The following TMPRSS15 variants were observed in gnomAD, a reference collection of about 807,000 sequenced individuals.
TMPRSS15 encodes the protein enteropeptidase.
A neutral mutation model predicts 125.3 loss-of-function variants in TMPRSS15; 128 were observed. That is an observed-to-expected ratio of 1.02 (90% CI 0.89 to 1.18). The LOEUF is 1.18. Ranked by LOEUF, TMPRSS15 falls within the 50% of genes most tolerant of loss-of-function variation. TMPRSS15 has a pLI of 0.00. For synonymous variants in TMPRSS15, 446 were observed against 423.2 expected, an observed-to-expected ratio of 1.05 and a Z score of -0.66; for missense variants, 1,283 against 1,212.7, an observed-to-expected ratio of 1.06 and a Z score of -0.86.
intron 18 of TMPRSS15, 65 bp downstream of exon 18, chr21:18,312,880 C>G: frequency 6.3e-7 from 1 of 1,592,180 alleles, no homozygotes; most frequent in Non-Finnish European, 8.6e-7. Context: ...TCTTATTAAA[C>G]CTAATTTGAT....
At chr21:18,398,090 C>T in intron 2 of TMPRSS15, 109 bp downstream of exon 2, 2 of 1,380,760 alleles carry the variant, frequency 1.4e-6, no homozygotes, top group Non-Finnish European at 2.1e-6. Context: ...ATTTGAGTAT[C>T]TTGGGCATAT....
chr21:18,378,110 T>C (rs2824785), intron 5 of TMPRSS15, among the ~76,000 whole-genome samples: 58,818 of 151,976 alleles, frequency 0.39, 11,561 homozygotes, highest in Non-Finnish European at 0.41. Flanking sequence ...TGGCATTAAT[T>C]TGGATACTTG....
chr21:18,469,017 T>C lies in TMPRSS15; in HGVS notation c.10+16782A>G, dbSNP rs114864371. Among the ~76,000 whole-genome samples the C allele has an allele frequency of 5.2e-3, 792 of 152,160 alleles. 9 individuals are homozygous for C. The highest frequency in any genetic ancestry group is 0.018 in the African/African-American group (735 of 41,506). ...ATTTGCATGTATATAAAGTAGAAAA[T>C]CACATGCTTTAACATAAATACCGGA... On this transcript the variant is annotated intron_variant, in intron 1 of 7. Transcript: ENST00000422787.
chr21:18,354,158 T>G (rs2075601547), intron 8 of TMPRSS15, among the ~76,000 whole-genome samples: 1 of 151,846 alleles, frequency 6.6e-6, no homozygotes, highest in Non-Finnish European at 1.5e-5. Context: ...AAAGATGCAT[T>G]CATTTACTGG....
At chr21:18,387,676 G>T (rs948517184) in intron 3 of TMPRSS15, among the ~76,000 whole-genome samples, 1 of 150,832 alleles carries the variant, frequency 6.6e-6, no homozygotes, top group African/African-American at 2.4e-5. Context: ...AATCATACAA[G>T]TTAGTAAGTG....
intron 1 of TMPRSS15, among the ~76,000 whole-genome samples, chr21:18,409,604 A>G (rs1229425278): frequency 6.6e-6 from 1 of 151,964 alleles, no homozygotes; most frequent in Non-Finnish European, 1.5e-5. Flanking sequence ...CTAATTTACA[A>G]ATTTGTGTAA....
At chr21:18,435,311 A>G (rs2076225415) in intron 1 of TMPRSS15, among the ~76,000 whole-genome samples, 1 of 152,124 alleles carries the variant, frequency 6.6e-6, no homozygotes, top group East Asian at 1.9e-4. Flanking sequence ...TCCCATCAAT[A>G]CCTAATTCAT....
At chr21:18,336,195 T>C (rs968713889) in intron 13 of TMPRSS15, among the ~76,000 whole-genome samples, 7 of 152,138 alleles carry the variant, frequency 4.6e-5, no homozygotes, top group Non-Finnish European at 8.8e-5. Flanking sequence ...CTAGCTTTCA[T>C]CTACAATAAG....
chr21:18,315,177 G>C lies in TMPRSS15; in HGVS notation c.2001C>G (p.His667Gln), dbSNP rs747558341. The C allele has an allele frequency of 6.8e-6, 11 of 1,613,626 alleles. No individual in the cohort carries two copies. The highest frequency in any genetic ancestry group is 9.3e-6 in the Non-Finnish European group (11 of 1,179,962). ...PLVNLCDGHL[H>Q]CEDGSDEADC... ...CTGCTTCATCTGAGCCATCCTCACA[G>C]TGCAGATGACCGTCACAGAGATTCA... Residue 667 changes from histidine to glutamine, a missense_variant, in exon 17 of 25, where the codon CAC (histidine) becomes CAG (glutamine). Transcript: ENST00000284885.
chr21:18,379,635 C>T (rs1036173716), intron 4 of TMPRSS15, among the ~76,000 whole-genome samples: 8 of 152,048 alleles, frequency 5.3e-5, no homozygotes, highest in Admixed American at 2.6e-4. Context: ...TGACCATAGA[C>T]GTAAATGTTC....
intron 1 of TMPRSS15, among the ~76,000 whole-genome samples, chr21:18,465,407 C>A (rs2122955460): frequency 7.2e-5 from 11 of 152,058 alleles, no homozygotes; most frequent in Admixed American, 5.9e-4. Flanking sequence ...GAAGTTCTTG[C>A]CAGGGAAATC....
In TMPRSS15 at chr21:18,412,468, C is replaced by T. The variant is rs549204453; in HGVS notation, c.11-14139G>A. On this transcript the variant is annotated intron_variant, in intron 1 of 7. Coordinates refer to the TMPRSS15 transcript ENST00000422787. The stretch of plus-strand genomic sequence containing the variant: ...TCACCGAATTAAAGAACTAAAAGTT[C>T]CTGACATGGTTTGGACCTCTAAATT... 2.8e-3 allele frequency among the ~76,000 whole-genome samples: 428 copies of T among 152,224 alleles called. 1 individual carries two copies. Among genetic ancestry groups the T allele is most frequent in the African/African-American group, 9.9e-3 (410 of 41,526 alleles).
Position 18,279,047 on chromosome 21 carries a change from G to T in TMPRSS15, c.2681C>A (p.Pro894His). The T allele has an allele frequency of 6.4e-7, 1 of 1,571,056 alleles. No homozygotes were observed. The highest frequency in any genetic ancestry group is 8.7e-7 in the Non-Finnish European group (1 of 1,146,734). Residue 894 changes from proline to histidine, a missense_variant, in exon 23 of 25, where the codon CCT (proline) becomes CAT (histidine). Coordinates refer to ENST00000284885, the MANE Select transcript of TMPRSS15 (RefSeq NM_002772.3). Reference sequence around the variant, plus strand: ...TTGATTTTCTTCCGGTAAACAAATAGGTTGTATGTAATCTGGAAAAACAAG... The same window carrying T: ...TTGATTTTCTTCCGGTAAACAAATATGTTGTATGTAATCTGGAAAAACAAG... ...FKVNYTDYIQPICLPEENQVF... is the reference protein window; with the variant it reads ...FKVNYTDYIQHICLPEENQVF...
chr21:18,278,593 C>T (rs111769042), intron 23 of TMPRSS15, among the ~76,000 whole-genome samples: 1 of 46,284 alleles, frequency 2.2e-5, no homozygotes, highest in Admixed American at 2.5e-4. Flanking sequence ...TGGTGGCAGG[C>T]GCCTGTGGTC....
At chr21:18,395,270 C>T (rs1178024814) in intron 3 of TMPRSS15, among the ~76,000 whole-genome samples, 1 of 152,146 alleles carries the variant, frequency 6.6e-6, no homozygotes, top group African/African-American at 2.4e-5. Context: ...TTCACTCTGT[C>T]TTGAGTACTT....
intron 1 of TMPRSS15, among the ~76,000 whole-genome samples, chr21:18,456,816 A>C (rs1310006561): frequency 6.6e-6 from 1 of 152,116 alleles, no homozygotes. Context: ...ATTTTCAGAA[A>C]TTTATATCTT....
At chr21:18,325,606 C>T (rs2075280440) in intron 16 of TMPRSS15, among the ~76,000 whole-genome samples, 1 of 151,886 alleles carries the variant, frequency 6.6e-6, no homozygotes, top group Non-Finnish European at 1.5e-5. Flanking sequence ...ATAAATATTT[C>T]TCTTCCTATG....
chr21:18,317,410 AT>A (rs2075178410), intron 16 of TMPRSS15, among the ~76,000 whole-genome samples: 2 of 142,008 alleles, frequency 1.4e-5, no homozygotes, highest in South Asian at 4.9e-4. Context: ...TTTCTAAAAA[AT>A]ATATTGAATA....
intron 1 of TMPRSS15, among the ~76,000 whole-genome samples, chr21:18,443,388 TC>T (rs1394863652): frequency 1.3e-5 from 2 of 152,000 alleles, no homozygotes; most frequent in Admixed American, 6.6e-5. Flanking sequence ...GGAGAACCTC[TC>T]CAACACAGGA....
Sources: allele counts gnomAD v4.1 joint callset (sites outside exome capture counted in the v4.1 genomes callset), GRCh38; gene constraint gnomAD v4.1.1; transcripts MANE v1.5; gene names NCBI Gene and HGNC (gene_info 2026-07-23, HGNC 2026-07-21).